Variants in IL12RB2 observed in about 807,000 individuals in gnomAD.
IL12RB2 encodes the protein interleukin 12 receptor subunit beta 2.
IL12RB2 carries 82 observed loss-of-function variants against 89.4 expected under a neutral mutation model. That is an observed-to-expected ratio of 0.92 (90% CI 0.77 to 1.10). IL12RB2 has a LOEUF of 1.10. Among genes scored for constraint, IL12RB2 ranks in the 50% least tolerant of loss-of-function variants. The probability of loss-of-function intolerance (pLI) is 0.00; values close to 1 mark genes in which losing one functional copy is unlikely to be tolerated. For missense variants in IL12RB2, 963 were observed against 1,031.9 expected (o/e 0.93, Z 0.92); for synonymous variants, 368 against 370.1 (o/e 0.99, Z 0.07).
At chr1:67,367,742 T>C (rs549751165) in intron 10 of IL12RB2, 83 bp from the exon 11 acceptor site, 2 of 827,610 alleles carry the variant, frequency 2.4e-6, no homozygotes, top group South Asian at 2.7e-5. Flanking sequence ...TTCGTTGGGA[T>C]AAGCTGTTTG....
intron 9 of IL12RB2, among the ~76,000 whole-genome samples, chr1:67,346,722 G>A (rs1463648131): frequency 6.6e-6 from 1 of 152,040 alleles, no homozygotes; most frequent in Non-Finnish European, 1.5e-5. Context: ...TTGGACTGGG[G>A]TTGCAAAAGG....
chr1:67,373,717 G>A (rs897167762), intron 13 of IL12RB2, among the ~76,000 whole-genome samples: 1 of 152,048 alleles, frequency 6.6e-6, no homozygotes, highest in African/African-American at 2.4e-5. Flanking sequence ...TTCTTGACTT[G>A]ACCTTCTCTT....
intron 8 of IL12RB2, 60 bp from the exon 9 acceptor site, chr1:67,338,564 C>G (rs1336308124): frequency 2.5e-6 from 2 of 814,074 alleles, no homozygotes; most frequent in South Asian, 1.3e-5. Flanking sequence ...ACTGAATGAC[C>G]AGTTAACTTT....
intron 10 of IL12RB2, among the ~76,000 whole-genome samples, chr1:67,356,970 GGTAGTT>G (rs1661463198): frequency 2.0e-5 from 3 of 152,162 alleles, no homozygotes; most frequent in Non-Finnish European, 4.4e-5. Context: ...ATCAGAAACA[GGTAGTT>G]ATGAAGAAAA....
intron 8 of IL12RB2, among the ~76,000 whole-genome samples, chr1:67,332,541 A>C (rs1394340285): frequency 2.0e-5 from 3 of 152,198 alleles, no homozygotes. Context: ...AACAAATGAT[A>C]ATTTATTACC....
At chr1:67,364,771 G>A (rs1294366927) in intron 10 of IL12RB2, among the ~76,000 whole-genome samples, 4 of 152,180 alleles carry the variant, frequency 2.6e-5, no homozygotes, top group African/African-American at 9.7e-5. Context: ...AATCATTAAA[G>A]ACATAGTTGA....
intron 10 of IL12RB2, among the ~76,000 whole-genome samples, chr1:67,351,995 C>T (rs982229664): frequency 6.6e-6 from 1 of 152,194 alleles, no homozygotes; most frequent in African/African-American, 2.4e-5. Flanking sequence ...ATAATTTTAT[C>T]TACCAGTGGG....
chr1:67,341,586 A>AG (rs10526618), intron 9 of IL12RB2, among the ~76,000 whole-genome samples: 2,461 of 141,624 alleles, frequency 0.017, 28 homozygotes, highest in African/African-American at 0.032. Context: ...AAAGAAAGAA[A>AG]AGAAAGGAAG....
In IL12RB2 at chr1:67,372,511, T is replaced by C; in HGVS notation, c.1535T>C (p.Ile512Thr). 1 of 1,604,728 alleles carries C rather than the reference T, an allele frequency of 6.2e-7. No homozygotes were observed. The highest frequency in any genetic ancestry group is 8.5e-7 in the Non-Finnish European group (1 of 1,171,440). ...GGGGATCAAGGAGGATGCAGCTCCA[T>C]CCTGGGTAACTCTAAGCACAAAGGT... Reference protein sequence around the residue: ...LSGDQGGCSSILGNSKHKAPL... With the variant: ...LSGDQGGCSSTLGNSKHKAPL... Residue 512 changes from isoleucine to threonine, a missense_variant, in exon 12 of 17, where the codon ATC becomes ACC. Ile to Thr is a moderately conservative substitution (Grantham distance 89). Transcript: ENST00000674203.
intron 13 of IL12RB2, among the ~76,000 whole-genome samples, chr1:67,379,698 C>G (rs1010811824): frequency 4.0e-5 from 6 of 151,194 alleles, no homozygotes; most frequent in Non-Finnish European, 7.4e-5. Context: ...AAAGATTTTA[C>G]CACAAAACAC....
intron 16 of IL12RB2, among the ~76,000 whole-genome samples, chr1:67,395,256 C>T (rs555755746): frequency 6.7e-5 from 10 of 149,644 alleles, no homozygotes; most frequent in East Asian, 3.9e-4. Context: ...TGACAGAAGG[C>T]GACTTCGTCT....
At chr1:67,326,589 G>A in intron 4 of IL12RB2, 146 bp from the exon 5 acceptor site, 1 of 1,329,836 alleles carries the variant, frequency 7.5e-7, no homozygotes, top group Admixed American at 2.1e-5. Flanking sequence ...TGGCAAACTG[G>A]GACTTGAATG....
intron 10 of IL12RB2, among the ~76,000 whole-genome samples, chr1:67,362,574 AAAAAAAAAAAAAAAAAAAG>A (rs1458681374): frequency 7.0e-6 from 1 of 143,360 alleles, no homozygotes; most frequent in Non-Finnish European, 1.5e-5. Context: ...CTCCGTCTCA[AAAAAAAAAAAAAAAAAAAG>A]AAAAAGAAAA....
chr1:67,307,839 C>G (rs967436637), upstream of IL12RB2: 1 of 152,102 alleles, frequency 6.6e-6, no homozygotes, highest in African/African-American at 2.4e-5. Context: ...GGCGGGAGGG[C>G]GGGCGCTGGC....
At chr1:67,374,373 C>T (rs1663710888) in intron 13 of IL12RB2, among the ~76,000 whole-genome samples, 1 of 152,196 alleles carries the variant, frequency 6.6e-6, no homozygotes, top group African/African-American at 2.4e-5. Context: ...ATCTCTTCTT[C>T]AGCCATCTGG....
At position 67,321,661 on chromosome 1, in the gene IL12RB2, A is replaced by G; in HGVS notation, c.136A>G (p.Thr46Ala). 6.2e-7 allele frequency: 1 copy of G among 1,602,108 alleles called. No individual in the cohort carries two copies. Among genetic ancestry groups the G allele is most frequent in the East Asian group, 2.2e-5 (1 of 44,834 alleles). ...TTCCCATGTAATTTTACTTGGATCC[A>G]CTGTCAATATTACATGCTCTTTGAA... is the stretch of plus-strand genomic sequence containing the variant. ...KPSHVILLGS[T>A]VNITCSLKPR... Residue 46 changes from threonine to alanine, a missense_variant, in exon 4 of 17, where the codon ACT becomes GCT. By Grantham distance (58) the Thr-to-Ala change is moderately conservative (BLOSUM62 0). Transcript: ENST00000674203.
intron 16 of IL12RB2, among the ~76,000 whole-genome samples, chr1:67,391,305 G>A (rs1405365752): frequency 6.6e-6 from 1 of 151,090 alleles, no homozygotes; most frequent in Non-Finnish European, 1.5e-5. Context: ...TCTCCTCTGA[G>A]GGATTTCATC....
intron 9 of IL12RB2, among the ~76,000 whole-genome samples, chr1:67,341,705 G>T (rs866109260): frequency 3.9e-4 from 60 of 152,200 alleles, no homozygotes; most frequent in African/African-American, 1.4e-3. Context: ...TCTAGTCTAA[G>T]AGGCTCCCCA....
chr1:67,346,252 G>T (rs1660207725), intron 9 of IL12RB2, among the ~76,000 whole-genome samples: 1 of 152,092 alleles, frequency 6.6e-6, no homozygotes, highest in Non-Finnish European at 1.5e-5. Context: ...TGAAATCGTT[G>T]TGAAAAGTGT....
Sources: gnomAD v4.1 joint callset for allele counts (sites outside exome capture counted in the v4.1 genomes callset) on GRCh38, gnomAD v4.1.1 for gene constraint, MANE v1.5 for transcripts, NCBI Gene and HGNC (gene_info 2026-07-23, HGNC 2026-07-21) for gene names.